TGFBR3: variants seen among roughly 807,000 people sequenced by gnomAD.
TGFBR3 encodes the protein transforming growth factor beta receptor type 3.
In TGFBR3, 46 loss-of-function variants were observed where a neutral mutation model predicts 87.9. The ratio of observed to expected loss-of-function variants is 0.52; its 90% CI spans 0.41 to 0.67. TGFBR3 has a LOEUF of 0.67. Ranked by LOEUF, TGFBR3 falls within the 30% of genes least tolerant of loss-of-function variation. The probability of loss-of-function intolerance (pLI) is 0.00; values close to 1 mark genes in which losing one functional copy is unlikely to be tolerated. For synonymous variants in TGFBR3, 381 were observed against 391.6 expected, an observed-to-expected ratio of 0.97 and a Z score of 0.32; for missense variants, 866 against 1,041.9, an observed-to-expected ratio of 0.83 and a Z score of 2.32.
At chr1:91,900,827 A>C (rs1381469555) in intron 1 of TGFBR3, among the ~76,000 whole-genome samples, 1 of 152,204 alleles carries the variant, frequency 6.6e-6, no homozygotes, top group Non-Finnish European at 1.5e-5. Context: ...CACTCTCTGG[A>C]TATTTCCCCA....
At chr1:91,751,555 A>G (rs1673541110) in intron 4 of TGFBR3, among the ~76,000 whole-genome samples, 1 of 152,174 alleles carries the variant, frequency 6.6e-6, no homozygotes, top group South Asian at 2.1e-4. Context: ...CTTGTCAGTC[A>G]TCCAAACTCC....
At position 91,797,400 on chromosome 1, in the gene TGFBR3, T is replaced by G; in HGVS notation, c.133A>C (p.Ser45Arg). The change falls in exon 3 of 17, where the codon AGC becomes CGC. Residue 45 changes from serine (S) to arginine (R), a missense_variant. Ser to Arg is a moderately radical substitution (Grantham distance 110). Transcript: ENST00000212355. Reference protein sequence around the residue: ...ASHPVQALMESFTVLSGCASR... With the variant: ...ASHPVQALMERFTVLSGCASR... ...GCACAGCCTGACAAAACAGTGAAGCTCTCCATCAAGGCCTGGACAGGATGG... is the reference window on the plus strand; with the variant it reads ...GCACAGCCTGACAAAACAGTGAAGCGCTCCATCAAGGCCTGGACAGGATGG... 6.2e-7 allele frequency: 1 copy of G among 1,614,086 alleles called. No individual in the cohort carries two copies. The highest frequency in any genetic ancestry group is 8.5e-7 in the Non-Finnish European group (1 of 1,180,016).
chr1:91,838,223 T>A (rs1207188237), intron 2 of TGFBR3, among the ~76,000 whole-genome samples: 1 of 152,190 alleles, frequency 6.6e-6, no homozygotes, highest in Non-Finnish European at 1.5e-5. Context: ...GTTGTTAGGA[T>A]CCCTTTATTG....
At chr1:91,791,417 A>C (rs1333827040) in intron 3 of TGFBR3, among the ~76,000 whole-genome samples, 1 of 152,148 alleles carries the variant, frequency 6.6e-6, no homozygotes, top group Non-Finnish European at 1.5e-5. Context: ...GTGGTGTGAT[A>C]ATCCTAAACC....
intron 2 of TGFBR3, among the ~76,000 whole-genome samples, chr1:91,846,221 C>A (rs1243791443): frequency 1.3e-5 from 2 of 152,220 alleles, no homozygotes; most frequent in Non-Finnish European, 2.9e-5. Context: ...CGTCTCTCTG[C>A]CAACTTTCTC....
chr1:91,716,469 G>A, intron 11 of TGFBR3, 75 bp from the exon 12 acceptor site: 1 of 1,613,724 alleles, frequency 6.2e-7, no homozygotes, highest in Non-Finnish European at 8.5e-7. Flanking sequence ...CATGAGCTTT[G>A]GCTTTTAACA....
intron 14 of TGFBR3, among the ~76,000 whole-genome samples, chr1:91,703,876 T>C (rs999768394): frequency 1.3e-5 from 2 of 152,246 alleles, no homozygotes; most frequent in African/African-American, 4.8e-5. Flanking sequence ...GAACTTCTCC[T>C]GAACTTTAAT....
chr1:91,837,884 CA>C (rs1238627302), intron 2 of TGFBR3, among the ~76,000 whole-genome samples: 1 of 152,200 alleles, frequency 6.6e-6, no homozygotes, highest in Non-Finnish European at 1.5e-5. Flanking sequence ...CCCTGCTTCA[CA>C]AATACTACTG....
chr1:91,904,367 T>G (rs1226117812), intron 1 of TGFBR3, among the ~76,000 whole-genome samples: 1 of 151,214 alleles, frequency 6.6e-6, no homozygotes, highest in Non-Finnish European at 1.5e-5. Context: ...GTTGTCTTTC[T>G]AATTTCAAAG....
At chr1:91,846,997 T>A (rs928995767) in intron 2 of TGFBR3, among the ~76,000 whole-genome samples, 2 of 152,206 alleles carry the variant, frequency 1.3e-5, no homozygotes, top group Non-Finnish European at 2.9e-5. Flanking sequence ...AAAAGCAGAA[T>A]GACCACCACC....
intron 2 of TGFBR3, among the ~76,000 whole-genome samples, chr1:91,826,055 C>T (rs1401751602): frequency 2.6e-5 from 4 of 151,652 alleles, no homozygotes; most frequent in South Asian, 2.1e-4. Context: ...TATCCTTTTT[C>T]GTTCAATTTG....
At chr1:91,696,058 G>A (rs1287892621) in intron 15 of TGFBR3, among the ~76,000 whole-genome samples, 1 of 152,132 alleles carries the variant, frequency 6.6e-6, no homozygotes, top group African/African-American at 2.4e-5. Flanking sequence ...GTAAAATCTT[G>A]TCTGTCATCT....
At chr1:91,820,859 T>C (rs548078970) in intron 2 of TGFBR3, among the ~76,000 whole-genome samples, 2 of 152,172 alleles carry the variant, frequency 1.3e-5, no homozygotes, top group African/African-American at 4.8e-5. Context: ...TATTTGTCCA[T>C]ATGCATGCAC....
chr1:91,756,041 A>G (rs1673730771), intron 4 of TGFBR3, among the ~76,000 whole-genome samples: 1 of 152,208 alleles, frequency 6.6e-6, no homozygotes, highest in Admixed American at 6.5e-5. Context: ...GCAGGGCCTG[A>G]GAAAAATCCG....
intron 2 of TGFBR3, among the ~76,000 whole-genome samples, chr1:91,835,061 G>A (rs1051817411): frequency 6.6e-6 from 1 of 152,190 alleles, no homozygotes; most frequent in African/African-American, 2.4e-5. Flanking sequence ...CTTTATGCAA[G>A]TGGGGGGCCC....
At chr1:91,730,348 G>A (rs567638014) in intron 5 of TGFBR3, among the ~76,000 whole-genome samples, 25 of 152,104 alleles carry the variant, frequency 1.6e-4, no homozygotes, top group African/African-American at 1.9e-4. Context: ...ACACCCAGGC[G>A]GGGCCTAGGG....
chr1:91,682,511 G>A lies in TGFBR3; in HGVS notation c.*1228C>T, dbSNP rs1670945240. The A allele has an allele frequency of 2.3e-6, 1 of 443,100 alleles. No homozygotes were observed. Among genetic ancestry groups the A allele is most frequent in the Admixed American group, 2.5e-5 (1 of 40,588 alleles). 27.4% of individuals were successfully genotyped at this position (443,100 alleles called of 1,614,324 possible). Reference sequence around the variant, plus strand: ...ATGAAATTCACCTCAAGCCCTTTTTGACATATTAAATATATGGGATATATT... The same window carrying A: ...ATGAAATTCACCTCAAGCCCTTTTTAACATATTAAATATATGGGATATATT... On this transcript the variant is annotated 3_prime_UTR_variant, in exon 17 of 17. Transcript: ENST00000212355.
At chr1:91,781,834 G>C (rs546904518) in intron 3 of TGFBR3, among the ~76,000 whole-genome samples, 6 of 152,214 alleles carry the variant, frequency 3.9e-5, no homozygotes, top group Admixed American at 3.9e-4. Context: ...AAATAGGAGA[G>C]CTGAATCAAG....
rs192649404 is a variant in TGFBR3 at position 91,824,710 on chromosome 1, C to T, written c.62-27239G>A. Among the ~76,000 whole-genome samples, 464 of 152,228 alleles carry T rather than the reference C, an allele frequency of 3.0e-3. 2 individuals carry two copies. The highest frequency in any genetic ancestry group is 0.011 in the African/African-American group (454 of 41,550). On this transcript the variant is annotated intron_variant, in intron 2 of 16. Coordinates refer to ENST00000212355, the MANE Select transcript of TGFBR3 (RefSeq NM_003243.5). ...GGCGCAGTAGCTCACACCTGTAATC[C>T]CAGCACTTTGAGAGGCCGAGGCAGG...
Sources: allele counts gnomAD v4.1 joint callset (sites outside exome capture counted in the v4.1 genomes callset), GRCh38; gene constraint gnomAD v4.1.1; transcripts MANE v1.5; gene names NCBI Gene and HGNC (gene_info 2026-07-23, HGNC 2026-07-21).